ERC2: variants seen among roughly 807,000 people sequenced by gnomAD.
ERC2 encodes ERC protein 2.
Under a neutral mutation model 114.8 loss-of-function variants are expected in ERC2, and 42 were observed. That is an observed-to-expected ratio of 0.37 (90% CI 0.29 to 0.47). ERC2 has a LOEUF of 0.47. Among genes scored for constraint, ERC2 ranks in the 20% least tolerant of loss-of-function variants. The pLI is 0.99. For missense variants in ERC2, 939 were observed against 1,150.7 expected (o/e 0.82, Z 2.66); for synonymous variants, 454 against 425.5 (o/e 1.07, Z -0.82).
chr3:56,160,968 C>A (rs988478576), intron 4 of ERC2, among the ~76,000 whole-genome samples: 1 of 152,120 alleles, frequency 6.6e-6, no homozygotes, highest in African/African-American at 2.4e-5. Context: ...TGGATGTTTG[C>A]TCCAAATCTT....
At chr3:56,223,618 A>C (rs892543481) in intron 3 of ERC2, among the ~76,000 whole-genome samples, 1 of 151,820 alleles carries the variant, frequency 6.6e-6, no homozygotes, top group Non-Finnish European at 1.5e-5. Flanking sequence ...TGCAATGTAT[A>C]TAACTCTCCC....
chr3:55,629,265 TC>T (rs2059647296), intron 17 of ERC2, among the ~76,000 whole-genome samples: 1 of 152,162 alleles, frequency 6.6e-6, no homozygotes, highest in East Asian at 1.9e-4. Flanking sequence ...ATGCCATGGC[TC>T]CCAGAGATGA....
chr3:55,635,862 A>T (rs575659636), intron 17 of ERC2, among the ~76,000 whole-genome samples: 7 of 150,288 alleles, frequency 4.7e-5, no homozygotes, highest in East Asian at 3.9e-4. Flanking sequence ...TTTTATTTTT[A>T]TTTTATTTTA....
intron 14 of ERC2, among the ~76,000 whole-genome samples, chr3:55,862,899 C>G (rs982721070): frequency 6.6e-6 from 1 of 152,082 alleles, no homozygotes; most frequent in East Asian, 1.9e-4. Flanking sequence ...CCATACTTGC[C>G]GTTGGTTGGG....
intron 7 of ERC2, among the ~76,000 whole-genome samples, chr3:56,035,712 G>T (rs1429489448): frequency 6.6e-6 from 1 of 152,178 alleles, no homozygotes; most frequent in Non-Finnish European, 1.5e-5. Context: ...GCAGAGAGCT[G>T]CCCTCAGCAG....
At chr3:55,561,048 A>G (rs1407349274) in intron 17 of ERC2, among the ~76,000 whole-genome samples, 1 of 151,984 alleles carries the variant, frequency 6.6e-6, no homozygotes, top group African/African-American at 2.4e-5. Flanking sequence ...GCTCATCAAT[A>G]TATCGATGGC....
intron 1 of ERC2, among the ~76,000 whole-genome samples, chr3:56,461,537 C>A (rs1345403625): frequency 6.6e-6 from 1 of 152,154 alleles, no homozygotes; most frequent in African/African-American, 2.4e-5. Context: ...CCACCTCCAA[C>A]ATATGCCTGG....
chr3:56,087,712 C>T (rs568619685), intron 6 of ERC2, among the ~76,000 whole-genome samples: 1 of 152,074 alleles, frequency 6.6e-6, no homozygotes, highest in African/African-American at 2.4e-5. Context: ...CAAAGAAAAA[C>T]TTTAAAAGAA....
At chr3:56,329,302 A>G (rs1477156806) in intron 2 of ERC2, among the ~76,000 whole-genome samples, 1 of 152,168 alleles carries the variant, frequency 6.6e-6, no homozygotes, top group Non-Finnish European at 1.5e-5. Context: ...CAGTGCACGA[A>G]AAGTACTATT....
At chr3:56,273,262 CTTTT>C (rs35595771) in intron 3 of ERC2, among the ~76,000 whole-genome samples, 5 of 93,736 alleles carry the variant, frequency 5.3e-5, no homozygotes, top group Non-Finnish European at 4.4e-5. Context: ...TTTTTTCTTT[CTTTT>C]TTTTTTTTTT....
At chr3:56,127,208 G>A (rs919731305) in intron 6 of ERC2, among the ~76,000 whole-genome samples, 12 of 152,074 alleles carry the variant, frequency 7.9e-5, no homozygotes, top group Admixed American at 5.2e-4. Context: ...CCATGTTCAC[G>A]GATTGGAAGA....
In ERC2 at chr3:55,796,930, A is replaced by AT. The variant is rs113636600; in HGVS notation, c.2565-62013dup. Reference sequence around the variant, plus strand: ...AACCAAAAGGGGAAACAAAAAGGCCATTTTTTTTCCCACATATGTGAGAGC... The same window carrying AT: ...AACCAAAAGGGGAAACAAAAAGGCCATTTTTTTTTCCCACATATGTGAGAGC... On this transcript the variant is annotated intron_variant, in intron 14 of 17. Transcript: ENST00000288221. Among the ~76,000 whole-genome samples the AT allele has an allele frequency of 4.5e-4, 69 of 152,194 alleles. 1 individual carries two copies. In the East Asian group the frequency reaches 6.0e-3, roughly 13 times the overall value.
intron 3 of ERC2, among the ~76,000 whole-genome samples, chr3:56,271,544 C>T (rs919366633): frequency 1.8e-4 from 27 of 152,114 alleles, no homozygotes; most frequent in African/African-American, 6.5e-4. Context: ...ATCACGGGCC[C>T]AAACTAAACT....
chr3:55,519,566 TA>T (rs1167854937), intron 17 of ERC2, among the ~76,000 whole-genome samples: 5 of 152,214 alleles, frequency 3.3e-5, no homozygotes, highest in African/African-American at 4.8e-5. Flanking sequence ...AGTGTCCAGA[TA>T]ATAGAATTCC....
In ERC2 at chr3:56,149,136, T is replaced by C; in HGVS notation, c.1150-4A>G. ...CCAATGAAGCGATTTTTGTGTCCTG[T>C]TGGTAAAGAAGAAAAGAAAAAGAAA... On this transcript the variant is annotated splice_region_variant and splice_polypyrimidine_tract_variant and intron_variant, in intron 4 of 17. Coordinates refer to ENST00000288221, the MANE Select transcript of ERC2 (RefSeq NM_015576.3). 6.3e-7 allele frequency: 1 copy of C among 1,592,990 alleles called. No homozygotes were observed. The highest frequency in any genetic ancestry group is 1.7e-4 in the Middle Eastern group (1 of 5,966).
At chr3:55,569,843 G>T (rs1048197536) in intron 17 of ERC2, among the ~76,000 whole-genome samples, 1 of 150,920 alleles carries the variant, frequency 6.6e-6, no homozygotes, top group Non-Finnish European at 1.5e-5. Context: ...TTTCTATTTT[G>T]GAGATGACTT....
At chr3:56,387,459 A>G (rs2059974913) in intron 2 of ERC2, among the ~76,000 whole-genome samples, 1 of 152,166 alleles carries the variant, frequency 6.6e-6, no homozygotes, top group African/African-American at 2.4e-5. Context: ...GGACCATACT[A>G]AATATTAACT....
intron 13 of ERC2, among the ~76,000 whole-genome samples, chr3:55,941,467 T>C (rs2066791852): frequency 6.6e-6 from 1 of 152,140 alleles, no homozygotes; most frequent in African/African-American, 2.4e-5. Context: ...GAGCAACTGA[T>C]AGGGACTGCT....
At chr3:55,779,251 G>A (rs1032365425) in intron 14 of ERC2, among the ~76,000 whole-genome samples, 1 of 150,552 alleles carries the variant, frequency 6.6e-6, no homozygotes, top group Non-Finnish European at 1.5e-5. Context: ...GGAGGCCGAG[G>A]AGGGTGGATC....
Sources: allele counts gnomAD v4.1 joint callset (sites outside exome capture counted in the v4.1 genomes callset), GRCh38; gene constraint gnomAD v4.1.1; transcripts MANE v1.5; gene names NCBI Gene and HGNC (gene_info 2026-07-23, HGNC 2026-07-21).